EMSY: variants seen among roughly 807,000 people sequenced by gnomAD.
The protein encoded by EMSY is BRCA2-interacting transcriptional repressor EMSY.
Under a neutral mutation model 134.6 loss-of-function variants are expected in EMSY, and 26 were observed. That is an observed-to-expected ratio of 0.19 (90% CI 0.14 to 0.27). The LOEUF is 0.27. Among genes scored for constraint, EMSY ranks in the 10% least tolerant of loss-of-function variants. The pLI, the probability that EMSY is intolerant of heterozygous loss-of-function variation, is 1.00. For missense variants in EMSY, 1,305 were observed against 1,611.4 expected, an observed-to-expected ratio of 0.81 and a Z score of 3.26; for synonymous variants, 579 against 577.8, an observed-to-expected ratio of 1.00 and a Z score of -0.03.
chr11:76,474,902 C>G (rs1027425916), intron 8 of EMSY, among the ~76,000 whole-genome samples: 2 of 151,988 alleles, frequency 1.3e-5, no homozygotes, highest in African/African-American at 4.8e-5. Flanking sequence ...TAGCTGGGAC[C>G]TCAGGTGTGT....
At chr11:76,509,074 G>A (rs1456755357) in intron 9 of EMSY, among the ~76,000 whole-genome samples, 2 of 151,968 alleles carry the variant, frequency 1.3e-5, no homozygotes, top group African/African-American at 2.4e-5. Flanking sequence ...TAACATCAAA[G>A]ATCACTGATC....
chr11:76,451,840 A>G lies in EMSY; in HGVS notation c.71-18A>G, dbSNP rs746854890. ...AATATTAAAGGCCTATCTTGATAAA[A>G]TAATTTTCTTCTTTTAGAATTGGAG... On this transcript the variant is annotated intron_variant, in intron 2 of 20. Transcript: ENST00000334736. 1 of 1,527,964 alleles carries G rather than the reference A, an allele frequency of 6.5e-7. No individual in the cohort carries two copies. Among genetic ancestry groups the G allele is most frequent in the South Asian group, 1.3e-5 (1 of 77,638 alleles). 94.7% of individuals were successfully genotyped at this position (1,527,964 alleles called of 1,614,324 possible).
intron 9 of EMSY, among the ~76,000 whole-genome samples, chr11:76,504,619 G>A (rs1950002449): frequency 6.6e-6 from 1 of 152,114 alleles, no homozygotes; most frequent in South Asian, 2.1e-4. Context: ...AAACACGTCA[G>A]TTTATCAAAC....
At chr11:76,514,383 G>A (rs1333333374) in intron 10 of EMSY, among the ~76,000 whole-genome samples, 2 of 152,056 alleles carry the variant, frequency 1.3e-5, no homozygotes, top group Non-Finnish European at 2.9e-5. Flanking sequence ...TTTAAATAGT[G>A]TAAAATGATA....
At chr11:76,521,192 G>A (rs1447319499) in intron 11 of EMSY, among the ~76,000 whole-genome samples, 6 of 152,266 alleles carry the variant, frequency 3.9e-5, no homozygotes, top group Middle Eastern at 6.8e-3. Context: ...AGTTTATGGT[G>A]TGTACTCTGG....
chr11:76,497,064 A>G (rs769623654), intron 9 of EMSY: 1 of 153,186 alleles, frequency 6.5e-6, no homozygotes, highest in Admixed American at 6.5e-5. Context: ...GACGGAGTGC[A>G]CTTCTGCTAC....
chr11:76,530,170 T>G (rs1169210409), intron 14 of EMSY, among the ~76,000 whole-genome samples: 1 of 149,680 alleles, frequency 6.7e-6, no homozygotes, highest in Non-Finnish European at 1.5e-5. Flanking sequence ...TTTTTTTTTT[T>G]TTTTTGGAGA....
chr11:76,503,905 C>T (rs2135956999), intron 9 of EMSY, among the ~76,000 whole-genome samples: 1 of 152,196 alleles, frequency 6.6e-6, no homozygotes, highest in East Asian at 1.9e-4. Flanking sequence ...CTGCTTCAGC[C>T]TCCCGAGTAG....
intron 8 of EMSY, among the ~76,000 whole-genome samples, chr11:76,474,258 G>A (rs964712751): frequency 6.6e-6 from 1 of 151,928 alleles, no homozygotes; most frequent in Non-Finnish European, 1.5e-5. Flanking sequence ...TTTAGTGTTC[G>A]TAGGTCTTAA....
chr11:76,503,046 A>C (rs1057471437), intron 9 of EMSY, among the ~76,000 whole-genome samples: 10 of 152,130 alleles, frequency 6.6e-5, no homozygotes, highest in Non-Finnish European at 1.0e-4. Flanking sequence ...CCTCCCGGTA[A>C]TTCCAGCACT....
chr11:76,546,158 C>T lies in EMSY; in HGVS notation c.3635C>T (p.Ser1212Leu), dbSNP rs150867470. Residue 1212 changes from serine (S) to leucine (L), a missense_variant, in exon 20 of 21, where the codon TCG becomes TTG. This residue lies in a region of EMSY where 664 missense variants were observed against 763.9 expected (regional missense o/e 0.87). Transcript: ENST00000334736. ...CAACAGAAATGTAGAGAGTCCTGTT[C>T]GAGTCCATCCACTGTTGGCTCTTCC... 71 of 1,614,164 alleles carry T rather than the reference C, an allele frequency of 4.4e-5. No individual in the cohort carries two copies. In the African/African-American group the frequency reaches 7.5e-4, roughly 17 times the overall value.
chr11:76,529,964 T>C (rs1950975230), intron 14 of EMSY, among the ~76,000 whole-genome samples: 1 of 152,148 alleles, frequency 6.6e-6, no homozygotes, highest in Non-Finnish European at 1.5e-5. Flanking sequence ...ACTCGAGATA[T>C]ACAAAATATA....
intron 8 of EMSY, among the ~76,000 whole-genome samples, chr11:76,479,913 T>C (rs1338348507): frequency 6.6e-6 from 1 of 152,168 alleles, no homozygotes; most frequent in Non-Finnish European, 1.5e-5. Flanking sequence ...ATACTGGTCA[T>C]GAAACAAGCA....
intron 8 of EMSY, among the ~76,000 whole-genome samples, chr11:76,481,114 G>A (rs879525491): frequency 6.6e-5 from 10 of 152,154 alleles, no homozygotes; most frequent in Non-Finnish European, 1.5e-4. Flanking sequence ...CGCTATCTCG[G>A]CTCACTGCAA....
chr11:76,544,431 A>G, exon 19 of EMSY: 6 of 1,614,110 alleles, frequency 3.7e-6, no homozygotes, highest in Non-Finnish European at 5.1e-6. Flanking sequence ...CCGCTGGAAC[A>G]GACTCAGCTG....
At chr11:76,526,687 T>C (rs767488513) in intron 13 of EMSY, 52 bp downstream of exon 14, 39 of 1,448,680 alleles carry the variant, frequency 2.7e-5, no homozygotes, top group African/African-American at 1.4e-5. Context: ...TTTTCAATTC[T>C]TATAATTCCC....
At chr11:76,489,368 G>A (rs1949323684) in intron 8 of EMSY, among the ~76,000 whole-genome samples, 1 of 145,116 alleles carries the variant, frequency 6.9e-6, no homozygotes, top group Non-Finnish European at 1.5e-5. Context: ...AAAGGGAAGT[G>A]TAAAAGTCTG....
chr11:76,450,673 G>A (rs896010110), intron 2 of EMSY, among the ~76,000 whole-genome samples: 16 of 151,416 alleles, frequency 1.1e-4, no homozygotes, highest in African/African-American at 3.9e-4. Context: ...TAAATTTTTT[G>A]TAGGGATGGG....
In EMSY at chr11:76,516,446, G is replaced by A. The variant is rs935338216; in HGVS notation, c.1684+134G>A. 5 of 539,848 alleles carry A rather than the reference G, an allele frequency of 9.3e-6. No individual in the cohort carries two copies. In the South Asian group the frequency reaches 1.7e-4, roughly 19 times the overall value. The allele number at this position is 539,848 out of a possible 1,614,324, so 33.4% of individuals were successfully genotyped here. A position where few individuals can be genotyped will look rare whatever the true frequency, so the allele number is the denominator to read the frequency against. On this transcript the variant is annotated intron_variant, in intron 11 of 20. Coordinates refer to ENST00000334736, the Ensembl canonical transcript of EMSY. ...TCTAAAGCTTTGTTTTAGTCCTTAT[G>A]TTTCATGATTAAATAAAGTTTTTAG...
Sources: gnomAD v4.1 joint callset for allele counts (sites outside exome capture counted in the v4.1 genomes callset) on GRCh38, gnomAD v4.1.1 for gene constraint, gnomAD v4.1.1 regional missense constraint, MANE v1.5 for transcripts, NCBI Gene and HGNC (gene_info 2026-07-23, HGNC 2026-07-21) for gene names.